KLF12: variants seen among roughly 807,000 people sequenced by gnomAD.
KLF12 encodes KLF transcription factor 12.
In KLF12, 9 loss-of-function variants were observed where a neutral mutation model predicts 37.8. That is an observed-to-expected ratio of 0.24 (90% confidence interval 0.14 to 0.42). The LOEUF is 0.42. KLF12 is among the 10% of genes least tolerant of loss of function. The pLI is 1.00. For missense variants in KLF12, 411 were observed against 516.0 expected (o/e 0.80, Z 1.97); for synonymous variants, 208 against 202.1 (o/e 1.03, Z -0.25).
chr13:74,252,653 T>A, the KLF12 span, among the ~76,000 whole-genome samples: 13 of 152,328 alleles, frequency 8.5e-5, no homozygotes, highest in African/African-American at 3.1e-4. Flanking sequence ...AATCAAATTA[T>A]TTATTATCCT....
At chr13:74,290,233 G>A in the KLF12 span, among the ~76,000 whole-genome samples, 3 of 152,170 alleles carry the variant, frequency 2.0e-5, no homozygotes, top group Non-Finnish European at 4.4e-5. Context: ...ATGAGACACG[G>A]AGAAATAATA....
In KLF12 at chr13:73,695,432, T is replaced by A; in HGVS notation, c.*58A>T. 1 of 1,552,782 alleles carries A rather than the reference T, an allele frequency of 6.4e-7. No individual in the cohort carries two copies. Among genetic ancestry groups the A allele is most frequent in the Non-Finnish European group, 8.8e-7 (1 of 1,130,072 alleles). ...CACTGTGAAGGGGATTCAGCCCTGCTGAATTGGGTGCCGCTAAGAGATCCA... is the reference window on the plus strand; with the variant it reads ...CACTGTGAAGGGGATTCAGCCCTGCAGAATTGGGTGCCGCTAAGAGATCCA... On this transcript the variant is annotated 3_prime_UTR_variant, in exon 8 of 8. Transcript: ENST00000377669.
intron 3 of KLF12, among the ~76,000 whole-genome samples, chr13:73,919,531 A>T (rs1889014433): frequency 1.3e-5 from 2 of 152,180 alleles, no homozygotes; most frequent in Admixed American, 1.3e-4. Context: ...TTTTTTAAAA[A>T]AAGGTCTAAA....
At chr13:74,171,549 G>C in the KLF12 span, among the ~76,000 whole-genome samples, 7 of 152,102 alleles carry the variant, frequency 4.6e-5, no homozygotes, top group African/African-American at 9.7e-5. Flanking sequence ...GCTGCCACCC[G>C]GTTCTCCCTG....
chr13:73,909,726 G>A (rs1375984903), intron 3 of KLF12, among the ~76,000 whole-genome samples: 1 of 152,112 alleles, frequency 6.6e-6, no homozygotes. Flanking sequence ...ACTTACGTTT[G>A]TTTAAAAACA....
chr13:74,260,574 T>TAAAATA, the KLF12 span, among the ~76,000 whole-genome samples: 3 of 100,332 alleles, frequency 3.0e-5, no homozygotes, highest in East Asian at 5.2e-4. Flanking sequence ...TAAAATAAAA[T>TAAAATA]AAATAAAATA....
At chr13:73,800,778 A>G (rs1461964585) in intron 5 of KLF12, 5 of 152,132 alleles carry the variant, frequency 3.3e-5, no homozygotes, top group African/African-American at 1.2e-4. Flanking sequence ...TACAGATAAA[A>G]TAATATTAAT....
the KLF12 span, among the ~76,000 whole-genome samples, chr13:74,190,820 G>C: frequency 6.6e-6 from 1 of 152,160 alleles, no homozygotes; most frequent in East Asian, 1.9e-4. Flanking sequence ...TTATCACTAA[G>C]AGAGCTAGGA....
At chr13:74,292,615 A>G in the KLF12 span, among the ~76,000 whole-genome samples, 1 of 152,008 alleles carries the variant, frequency 6.6e-6, no homozygotes, top group African/African-American at 2.4e-5. Context: ...AAATAAGCCT[A>G]GTATGTTTTG....
the KLF12 span, among the ~76,000 whole-genome samples, chr13:74,217,205 A>C: frequency 6.6e-6 from 1 of 152,038 alleles, no homozygotes; most frequent in Non-Finnish European, 1.5e-5. Context: ...TTTAATGTTT[A>C]TTTACAGGAC....
At chr13:74,188,558 G>A in the KLF12 span, among the ~76,000 whole-genome samples, 1 of 152,248 alleles carries the variant, frequency 6.6e-6, no homozygotes, top group East Asian at 1.9e-4. Context: ...GGCAAAACAT[G>A]ATGGTAAGAC....
intron 1 of KLF12, among the ~76,000 whole-genome samples, chr13:74,089,083 A>G (rs1875493803): frequency 6.6e-6 from 1 of 152,164 alleles, no homozygotes; most frequent in South Asian, 2.1e-4. Context: ...TAAAACCCTA[A>G]ATACAAATCC....
At chr13:74,170,977 C>A in the KLF12 span, among the ~76,000 whole-genome samples, 7 of 152,252 alleles carry the variant, frequency 4.6e-5, no homozygotes, top group Admixed American at 3.9e-4. Context: ...GTTGGCCAGG[C>A]TGGTCTCGAA....
chr13:73,719,601 G>T (rs1210368343), intron 6 of KLF12, among the ~76,000 whole-genome samples: 1 of 151,256 alleles, frequency 6.6e-6, no homozygotes, highest in Non-Finnish European at 1.5e-5. Flanking sequence ...CCATTTCCCC[G>T]AGTTGCTTTT....
chr13:73,838,846 A>G (rs1370280027), intron 4 of KLF12, among the ~76,000 whole-genome samples: 2 of 152,196 alleles, frequency 1.3e-5, no homozygotes, highest in Non-Finnish European at 2.9e-5. Context: ...GAGCATCTAC[A>G]TAAGTTAATA....
intron 1 of KLF12, among the ~76,000 whole-genome samples, chr13:74,071,076 C>T (rs1196220758): frequency 6.6e-6 from 1 of 152,040 alleles, no homozygotes; most frequent in Admixed American, 6.5e-5. Flanking sequence ...ACCACCACAC[C>T]CTAATAAGTA....
chr13:74,206,719 C>G, the KLF12 span, among the ~76,000 whole-genome samples: 1 of 152,116 alleles, frequency 6.6e-6, no homozygotes, highest in South Asian at 2.1e-4. Context: ...TTTCTCGCTG[C>G]GACAGCATGC....
chr13:73,812,793 C>G (rs763072623), intron 5 of KLF12: 15 of 170,088 alleles, frequency 8.8e-5, no homozygotes, highest in Non-Finnish European at 1.9e-4. Context: ...AACAAGATAA[C>G]AATACTTTGC....
chr13:74,264,433 C>T, the KLF12 span, among the ~76,000 whole-genome samples: 4 of 152,274 alleles, frequency 2.6e-5, no homozygotes, highest in South Asian at 8.3e-4. Context: ...TACTTATCCC[C>T]TCTTCAGCTT....
Sources: allele counts gnomAD v4.1 joint callset (sites outside exome capture counted in the v4.1 genomes callset), GRCh38; gene constraint gnomAD v4.1.1; transcripts MANE v1.5; gene names NCBI Gene and HGNC (gene_info 2026-07-23, HGNC 2026-07-21).